The following RBM25 variants were observed in gnomAD, a reference collection of about 807,000 sequenced individuals.
RBM25 encodes the protein RNA-binding protein 25.
Under a neutral mutation model 120.7 loss-of-function variants are expected in RBM25, and 19 were observed. The observed-to-expected ratio is 0.16, with a 90% CI of 0.11 to 0.23. The LOEUF (loss-of-function observed/expected upper bound fraction) is 0.23, where lower values mean the gene tolerates loss of function less well. Among genes scored for constraint, RBM25 ranks in the 10% least tolerant of loss-of-function variants. RBM25 has a pLI of 1.00. For synonymous variants in RBM25, 390 were observed against 326.7 expected (o/e 1.19, Z -2.09); for missense variants, 605 against 1,041.5 (o/e 0.58, Z 5.77).
chr14:73,119,902 G>T lies in RBM25; in HGVS notation c.*97G>T. ...TGTCTTTGAAGACATTGTGAGATCT[G>T]TAATTTTTTTTTTTTGTAGAAAATG... On this transcript the variant is annotated 3_prime_UTR_variant, in exon 19 of 19. Coordinates refer to ENST00000261973, the MANE Select transcript of RBM25 (RefSeq NM_021239.3). 3.5e-6 allele frequency: 5 copies of T among 1,438,888 alleles called. No individual in the cohort carries two copies. The highest frequency in any genetic ancestry group is 4.6e-6 in the Non-Finnish European group (5 of 1,098,888). 89.1% of individuals were successfully genotyped at this position (1,438,888 alleles called of 1,614,324 possible).
chr14:73,076,005 G>T (rs1228827087), intron 2 of RBM25, among the ~76,000 whole-genome samples: 1 of 152,100 alleles, frequency 6.6e-6, no homozygotes. Flanking sequence ...GTCTGTATTT[G>T]TGAAAGGCAT....
At chr14:73,119,633 T>C (rs905024855) in intron 18 of RBM25, 80 bp from the exon 19 acceptor site, 6 of 1,577,354 alleles carry the variant, frequency 3.8e-6, no homozygotes, top group Non-Finnish European at 5.1e-6. Flanking sequence ...GATGAAAAAC[T>C]TTTTTATACT....
intron 18 of RBM25, among the ~76,000 whole-genome samples, chr14:73,115,914 C>T (rs1397734630): frequency 6.6e-6 from 1 of 152,128 alleles, no homozygotes; most frequent in East Asian, 1.9e-4. Flanking sequence ...CATAGTATGA[C>T]TATGGGAAAT....
chr14:73,110,412 C>CA (rs1207027252), intron 14 of RBM25, among the ~76,000 whole-genome samples: 1 of 151,418 alleles, frequency 6.6e-6, no homozygotes, highest in Non-Finnish European at 1.5e-5. Context: ...AGCCACTGCC[C>CA]ATGTCCTTTT....
intron 8 of RBM25, 45 bp downstream of exon 8, chr14:73,099,478 G>C (rs746993681): frequency 1.3e-6 from 2 of 1,594,564 alleles, no homozygotes; most frequent in Non-Finnish European, 1.7e-6. Flanking sequence ...GTTTACTGCT[G>C]ATTGTTGATT....
intron 1 of RBM25, among the ~76,000 whole-genome samples, chr14:73,065,961 C>T (rs944194463): frequency 6.6e-6 from 1 of 152,104 alleles, no homozygotes; most frequent in African/African-American, 2.4e-5. Context: ...AGGCTAGGCA[C>T]TGGGCCATTG....
intron 17 of RBM25, among the ~76,000 whole-genome samples, chr14:73,112,640 T>A (rs796592477): frequency 2.6e-5 from 4 of 152,296 alleles, no homozygotes; most frequent in African/African-American, 7.2e-5. Context: ...ACGTAGCCAA[T>A]ATCTTTTCCC....
chr14:73,099,429 C>T lies in RBM25; in HGVS notation c.779C>T (p.Thr260Ile). The T allele has an allele frequency of 6.2e-7, 1 of 1,609,348 alleles. No individual in the cohort carries two copies. The highest frequency in any genetic ancestry group is 8.5e-7 in the Non-Finnish European group (1 of 1,178,672). Residue 260 changes from threonine (T) to isoleucine (I), a missense_variant, in exon 8 of 19, where the codon ACT becomes ATT. Physicochemically the swap from Thr to Ile is moderately conservative, Grantham distance 89. This residue lies in a region of RBM25 where 465 missense variants were observed against 741.6 expected (regional missense o/e 0.63). Coordinates refer to ENST00000261973, the MANE Select transcript of RBM25 (RefSeq NM_021239.3). ...CCACTGATCCCTTATCCACTCATCA[C>T]TAAGGTTAGTTTAAATTGTAGGCTT... ...VAPLIPYPLI[T>I]KEDINAIEME...
At chr14:73,113,078 A>T (rs2140464112) in intron 17 of RBM25, among the ~76,000 whole-genome samples, 1 of 151,882 alleles carries the variant, frequency 6.6e-6, no homozygotes, top group South Asian at 2.1e-4. Flanking sequence ...GGTTTGCTAC[A>T]CCCATCAACC....
chr14:73,117,710 C>T (rs569066349), intron 18 of RBM25, among the ~76,000 whole-genome samples: 6 of 152,278 alleles, frequency 3.9e-5, no homozygotes, highest in Admixed American at 2.6e-4. Context: ...AAGGACCTAT[C>T]GCTAGTAAGA....
intron 1 of RBM25, among the ~76,000 whole-genome samples, chr14:73,066,393 T>C (rs1301001704): frequency 6.6e-6 from 1 of 152,132 alleles, no homozygotes; most frequent in Non-Finnish European, 1.5e-5. Flanking sequence ...CCCAGCACTT[T>C]GGGAGGCCGA....
In RBM25 at chr14:73,109,509, T is replaced by A. The variant is rs1896259253; in HGVS notation, c.1692+17T>A. 3 of 1,605,334 alleles carry A rather than the reference T, an allele frequency of 1.9e-6. No homozygotes were observed. The highest frequency in any genetic ancestry group is 2.6e-6 in the Non-Finnish European group (3 of 1,176,174). On this transcript the variant is annotated intron_variant, in intron 14 of 18. Transcript: ENST00000261973. Reference sequence around the variant, plus strand: ...CTCCAGAGGGTAAGATACTGTACCATCTGGTCGGGCGCGGTGGCTCACGCC... The same window carrying A: ...CTCCAGAGGGTAAGATACTGTACCAACTGGTCGGGCGCGGTGGCTCACGCC...
intron 7 of RBM25, 101 bp from the exon 8 acceptor site, chr14:73,099,279 C>T: frequency 9.8e-7 from 1 of 1,018,432 alleles, no homozygotes; most frequent in Non-Finnish European, 1.5e-6. Context: ...CAGAAGTGTA[C>T]TGTATTGTTC....
At chr14:73,111,239 T>C in intron 15 of RBM25, 84 bp downstream of exon 15, 18 of 1,186,866 alleles carry the variant, frequency 1.5e-5, no homozygotes, top group Non-Finnish European at 2.1e-5. Context: ...AAAAAATTTA[T>C]ATTTGTGCTT....
intron 1 of RBM25, among the ~76,000 whole-genome samples, chr14:73,061,203 G>A (rs1263313774): frequency 1.3e-5 from 2 of 151,030 alleles, no homozygotes; most frequent in Admixed American, 1.3e-4. Flanking sequence ...AATTATAGGT[G>A]CCTGCCACCA....
chr14:73,066,990 A>G (rs1387765064), intron 1 of RBM25, among the ~76,000 whole-genome samples: 1 of 152,016 alleles, frequency 6.6e-6, no homozygotes, highest in African/African-American at 2.4e-5. Context: ...GGGCATACCC[A>G]TATTCTGGTG....
chr14:73,111,832 A>G, intron 16 of RBM25, 30 bp downstream of exon 16: 1 of 1,544,992 alleles, frequency 6.5e-7, no homozygotes, highest in Non-Finnish European at 8.7e-7. Flanking sequence ...TCATCATATT[A>G]TTGGGAACAG....
At chr14:73,083,066 C>T (rs1484189793) in intron 4 of RBM25, among the ~76,000 whole-genome samples, 6 of 151,948 alleles carry the variant, frequency 3.9e-5, no homozygotes, top group Non-Finnish European at 5.9e-5. Flanking sequence ...GGTGACAGAG[C>T]GAGACTCCGT....
At chr14:73,093,276 T>C (rs1471322351) in intron 6 of RBM25, among the ~76,000 whole-genome samples, 2 of 152,224 alleles carry the variant, frequency 1.3e-5, no homozygotes, top group Non-Finnish European at 2.9e-5. Context: ...GAACTCTGCA[T>C]TTCCTTAAAT....
Sources: allele counts gnomAD v4.1 joint callset (sites outside exome capture counted in the v4.1 genomes callset), GRCh38; gene constraint gnomAD v4.1.1; regional missense constraint gnomAD v4.1.1; transcripts MANE v1.5; gene names NCBI Gene and HGNC (gene_info 2026-07-23, HGNC 2026-07-21).